The following GIT2 variants were observed in gnomAD, a reference collection of about 807,000 sequenced individuals.
GIT2 encodes ARF GTPase-activating protein GIT2.
In GIT2, 32 loss-of-function variants were observed where a neutral mutation model predicts 100.3. The ratio of observed to expected loss-of-function variants is 0.32; its 90% CI spans 0.24 to 0.43. The LOEUF is 0.43. Ranked by LOEUF, GIT2 falls within the 20% of genes least tolerant of loss-of-function variation. The pLI is 1.00. For missense variants in GIT2, 737 were observed against 975.1 expected (o/e 0.76, Z 3.25); for synonymous variants, 353 against 364.1 (o/e 0.97, Z 0.35).
chr12:109,967,327 C>A, intron 8 of GIT2, 131 bp downstream of exon 8: 1 of 1,597,732 alleles, frequency 6.3e-7, no homozygotes, highest in Non-Finnish European at 8.5e-7. Flanking sequence ...CGTCTTATTT[C>A]CAAATGGTAT....
Position 109,933,296 on chromosome 12 carries a change from G to A in GIT2, c.2068-106C>T. 2.9e-6 allele frequency: 2 copies of A among 696,166 alleles called. No individual in the cohort carries two copies. The highest frequency in any genetic ancestry group is 3.4e-5 in the South Asian group (2 of 58,016). 43.1% of individuals were successfully genotyped at this position (696,166 alleles called of 1,614,324 possible). A position where few individuals can be genotyped will look rare whatever the true frequency, so the allele number is the denominator to read the frequency against. On this transcript the variant is annotated intron_variant, in intron 19 of 19. Transcript: ENST00000355312. The surrounding 1 kb of genome is among the most constrained non-coding windows in gnomAD (Gnocchi z 4.5). ...AACCAAGCTGCTCCCCAGAGTGAAA[G>A]GCGGTTTGGTCCTGCCCTTTCTCAA...
In GIT2 at chr12:109,955,036, T is replaced by C. The variant is rs1468857545; in HGVS notation, c.1100-1802A>G. Among the ~76,000 whole-genome samples, 4 of 152,232 alleles carry C rather than the reference T, an allele frequency of 2.6e-5. No individual in the cohort carries two copies. The East Asian group carries it at 5.8e-4, about 22-fold the overall frequency. Reference sequence around the variant, plus strand: ...AATGAACAAGTAAGATAATCACTTATAGCCATTGTTATTTGTTGATCTATT... The same window carrying C: ...AATGAACAAGTAAGATAATCACTTACAGCCATTGTTATTTGTTGATCTATT... On this transcript the variant is annotated intron_variant, in intron 12 of 19. Coordinates refer to ENST00000355312, the MANE Select transcript of GIT2 (RefSeq NM_057169.5).
chr12:109,951,108 T>C (rs1877714135), intron 14 of GIT2, 59 bp downstream of exon 14: 17 of 1,440,036 alleles, frequency 1.2e-5, no homozygotes, highest in Non-Finnish European at 1.6e-5. Context: ...GTGCCTGAGA[T>C]TCTTCCTTGT....
Position 109,933,686 on chromosome 12 carries a change from C to A in GIT2, c.2067+336G>T. The A allele has an allele frequency of 3.9e-6, 1 of 259,050 alleles. No individual in the cohort carries two copies. Among genetic ancestry groups the A allele is most frequent in the Non-Finnish European group, 7.5e-6 (1 of 133,076 alleles). 16.0% of individuals were successfully genotyped at this position (259,050 alleles called of 1,614,324 possible). On this transcript the variant is annotated intron_variant, in intron 19 of 19. Coordinates refer to ENST00000355312, the MANE Select transcript of GIT2 (RefSeq NM_057169.5). This position sits in a 1 kb window ranked among gnomAD's most constrained non-coding sequence, Gnocchi z 4.5. The stretch of plus-strand genomic sequence containing the variant: ...GCACGATCTTGACTCACTGCAACCT[C>A]CGCCTCCTGGGTTCAAGCGATTCTC...
rs1387282165 is a variant in GIT2 at position 109,957,387 on chromosome 12, G to A, written c.1099+2460C>T. 2.0e-5 allele frequency among the ~76,000 whole-genome samples: 3 copies of A among 152,084 alleles called. No individual in the cohort carries two copies. The East Asian group carries it at 5.8e-4, about 29-fold the overall frequency. ...CACCAGATGCCCAATCCTCCAGTCA[G>A]CAGAATCATTAGCCAAATAAACCTT... On this transcript the variant is annotated intron_variant, in intron 12 of 19. Transcript: ENST00000355312.
chr12:109,955,225 G>A lies in GIT2; in HGVS notation c.1100-1991C>T, dbSNP rs536419287. Among the ~76,000 whole-genome samples the A allele has an allele frequency of 3.9e-5, 6 of 152,168 alleles. No homozygotes were observed. In the East Asian group the frequency reaches 7.8e-4, roughly 20 times the overall value. On this transcript the variant is annotated intron_variant, in intron 12 of 19. Transcript: ENST00000355312. ...TGCAAACTCCGCCTCCCGGTTTCAC[G>A]CCATTCTCCTGCCTCAGCCTCCTGA...
intron 16 of GIT2, among the ~76,000 whole-genome samples, chr12:109,942,024 T>C (rs986163563): frequency 6.6e-6 from 1 of 152,058 alleles, no homozygotes; most frequent in Non-Finnish European, 1.5e-5. Context: ...AAGGTCTCAC[T>C]ATGTTGCCCA....
At chr12:109,997,261 C>A (rs1889575929), upstream of GIT2, among the ~76,000 whole-genome samples, 1 of 150,106 alleles carries the variant, frequency 6.7e-6, no homozygotes, top group Non-Finnish European at 1.5e-5. Context: ...TGCCTGTAAT[C>A]CTAGATACTC....
chr12:109,945,071 C>T (rs932017610), intron 16 of GIT2, among the ~76,000 whole-genome samples, 189 bp downstream of exon 16: 1 of 152,082 alleles, frequency 6.6e-6, no homozygotes, highest in Non-Finnish European at 1.5e-5. Context: ...GAAAGGGAGG[C>T]GCCCTCGATG....
chr12:109,933,436 A>T lies in GIT2; in HGVS notation c.2068-246T>A, dbSNP rs1388281115. 2.5e-6 allele frequency: 1 copy of T among 403,550 alleles called. No individual in the cohort carries two copies. Among genetic ancestry groups the T allele is most frequent in the East Asian group, 4.0e-5 (1 of 25,238 alleles). The allele number at this position is 403,550 out of a possible 1,614,324, so 25.0% of individuals were successfully genotyped here. On this transcript the variant is annotated intron_variant, in intron 19 of 19. Transcript: ENST00000355312. This position sits in a 1 kb window ranked among gnomAD's most constrained non-coding sequence, Gnocchi z 4.5. ...AATTTTAGTAGTATGTGGTATTTTGAAGTAGTTTTTGAAAAATATTAATCC... is the reference window on the plus strand; with the variant it reads ...AATTTTAGTAGTATGTGGTATTTTGTAGTAGTTTTTGAAAAATATTAATCC...
In GIT2 at chr12:109,947,892, AC is replaced by A. The variant is rs1457975104; in HGVS notation, c.1393-389del. On this transcript the variant is annotated intron_variant, in intron 14 of 19. Transcript: ENST00000355312. This position sits in a 1 kb window ranked among gnomAD's most constrained non-coding sequence, Gnocchi z 4.3. ...AGATCATTAAAACATCATTTAGGTA[AC>A]TTGCTTTTCAAATGAGCCCTGAGCA... 3 of 174,070 alleles carry A rather than the reference AC, an allele frequency of 1.7e-5. No individual in the cohort carries two copies. Among genetic ancestry groups the A allele is most frequent in the African/African-American group, 7.2e-5 (3 of 41,850 alleles). 10.8% of individuals were successfully genotyped at this position (174,070 alleles called of 1,614,324 possible).
intron 1 of GIT2, among the ~76,000 whole-genome samples, chr12:109,995,430 AGAT>A (rs1413954380): frequency 6.6e-6 from 1 of 152,238 alleles, no homozygotes; most frequent in African/African-American, 2.4e-5. Flanking sequence ...GAAAAGCCTT[AGAT>A]GATATGATTC....
Position 109,991,834 on chromosome 12 carries a change from G to A in GIT2, c.53-74C>T. 4 of 1,369,184 alleles carry A rather than the reference G, an allele frequency of 2.9e-6. No homozygotes were observed. In the Admixed American group the frequency reaches 5.8e-5, roughly 20 times the overall value. 84.8% of individuals were successfully genotyped at this position (1,369,184 alleles called of 1,614,324 possible). ...TACCGCCAGATGGCAAAAGATGACT[G>A]AAGTTTGGTTTGTCAGAAAAAGGAG... On this transcript the variant is annotated intron_variant, in intron 1 of 19. Coordinates refer to ENST00000355312, the MANE Select transcript of GIT2 (RefSeq NM_057169.5).
At chr12:109,964,667 A>ACACACACT (rs1881887684) in intron 9 of GIT2, among the ~76,000 whole-genome samples, 1 of 144,866 alleles carries the variant, frequency 6.9e-6, no homozygotes, top group Non-Finnish European at 1.5e-5. Context: ...ACACACACAC[A>ACACACACT]CACACACACG....
chr12:109,990,370 G>A (rs756208363), intron 2 of GIT2, among the ~76,000 whole-genome samples: 5 of 152,226 alleles, frequency 3.3e-5, no homozygotes, highest in Non-Finnish European at 5.9e-5. Flanking sequence ...CTGAGACTCT[G>A]TACTACAATC....
At chr12:109,999,092 G>GCTGGAATGGTTT (rs1889796436), upstream of GIT2, 2 of 152,302 alleles carry the variant, frequency 1.3e-5, no homozygotes, top group Non-Finnish European at 2.9e-5. The surrounding 1 kb of genome is among the most constrained non-coding windows in gnomAD (Gnocchi z 4.3). Flanking sequence ...AAGGCTGCAA[G>GCTGGAATGGTTT]GGTGTCGGCA....
rs781506413 is a variant in GIT2, at chr12:109,961,390, G to C, written c.890-15C>G. The C allele has an allele frequency of 3.2e-6, 5 of 1,550,298 alleles. No homozygotes were observed. The highest frequency in any genetic ancestry group is 1.4e-5 in the African/African-American group (1 of 73,762). Reference sequence around the variant, plus strand: ...GGCAAGCCAGACTAGTCAGAGGAAAGAGCCAGAGACAAACCTCATCACGCC... The same window carrying C: ...GGCAAGCCAGACTAGTCAGAGGAAACAGCCAGAGACAAACCTCATCACGCC... On this transcript the variant is annotated splice_polypyrimidine_tract_variant and intron_variant, in intron 10 of 19. Transcript: ENST00000355312.
In GIT2 at chr12:109,938,710, C is replaced by T. The variant is rs1021711447; in HGVS notation, c.1815-142G>A. 17 of 586,730 alleles carry T rather than the reference C, an allele frequency of 2.9e-5. No individual in the cohort carries two copies. In the South Asian group the frequency reaches 3.9e-4, roughly 13 times the overall value. The allele number at this position is 586,730 out of a possible 1,614,324, so 36.3% of individuals were successfully genotyped here. ...CCTTTATCCTGTCTAGCAGGAGACT[C>T]ATGGTAAGGCTCTAAAATCGGCTAT... On this transcript the variant is annotated intron_variant, in intron 17 of 19. Transcript: ENST00000355312.
chr12:109,957,509 ATT>A (rs111395877), intron 12 of GIT2, among the ~76,000 whole-genome samples: 14 of 144,104 alleles, frequency 9.7e-5, no homozygotes, highest in African/African-American at 7.6e-5. Flanking sequence ...ATAAGTATGT[ATT>A]TTTTTTTTTT....
Sources: allele counts gnomAD v4.1 joint callset (sites outside exome capture counted in the v4.1 genomes callset), GRCh38; gene constraint gnomAD v4.1.1; non-coding constraint Gnocchi (gnomAD v3.1); transcripts MANE v1.5; gene names NCBI Gene and HGNC (gene_info 2026-07-23, HGNC 2026-07-21).